NRCAM: variants seen among roughly 807,000 people sequenced by gnomAD.
NRCAM encodes the protein NgCAM-related cell adhesion molecule.
A neutral mutation model predicts 156.5 loss-of-function variants in NRCAM; 83 were observed. The observed-to-expected ratio is 0.53, with a 90% CI of 0.44 to 0.64. The LOEUF (loss-of-function observed/expected upper bound fraction) is 0.64, where lower values mean the gene tolerates loss of function less well. Among genes scored for constraint, NRCAM ranks in the 30% least tolerant of loss-of-function variants. The pLI is 0.00. For synonymous variants in NRCAM, 538 were observed against 563.9 expected (o/e 0.95, Z 0.65); for missense variants, 1,417 against 1,597.3 (o/e 0.89, Z 1.92).
At chr7:108,370,117 TA>T (rs2099619004) in intron 2 of NRCAM, among the ~76,000 whole-genome samples, 1 of 152,174 alleles carries the variant, frequency 6.6e-6, no homozygotes, top group Non-Finnish European at 1.5e-5. Context: ...TCTCTATACT[TA>T]TCATTATTTT....
chr7:108,280,643 A>G (rs2097820425), intron 3 of NRCAM, among the ~76,000 whole-genome samples: 1 of 152,238 alleles, frequency 6.6e-6, no homozygotes, highest in Non-Finnish European at 1.5e-5. Flanking sequence ...TGCTACTGAA[A>G]ATAGTTTGAC....
chr7:108,213,395 T>A (rs1588506338), intron 11 of NRCAM, among the ~76,000 whole-genome samples: 1 of 152,012 alleles, frequency 6.6e-6, no homozygotes, highest in East Asian at 1.9e-4. Flanking sequence ...AATAGCACAA[T>A]GAATGCAAGG....
intron 1 of NRCAM, among the ~76,000 whole-genome samples, chr7:108,421,136 G>C (rs925439468): frequency 6.6e-6 from 1 of 152,068 alleles, no homozygotes; most frequent in African/African-American, 2.4e-5. Flanking sequence ...ATTATGGTAG[G>C]TGCTTAGCGA....
chr7:108,150,027 G>A lies in NRCAM; in HGVS notation c.3798C>T (p.Phe1266=). Residue 1266 remains phenylalanine, a synonymous_variant, in exon 33 of 33, where the codon TTC becomes TTT. Transcript: ENST00000379028. ...GTCCAATAAAGGAGCCATCCTCATTGAACTGGCCATTAACCCCTTCTCCAT... is the reference window on the plus strand; with the variant it reads ...GTCCAATAAAGGAGCCATCCTCATTAAACTGGCCATTAACCCCTTCTCCAT... ...VDYGEGVNGQ[F]NEDGSFIGQY... 6.2e-7 allele frequency: 1 copy of A among 1,614,012 alleles called. No homozygotes were observed. Among genetic ancestry groups the A allele is most frequent in the African/African-American group, 1.3e-5 (1 of 75,034 alleles).
At chr7:108,378,945 A>G (rs115360052) in intron 2 of NRCAM, among the ~76,000 whole-genome samples, 3,825 of 152,238 alleles carry the variant, frequency 0.025, 177 homozygotes, top group African/African-American at 0.086. Context: ...CAACCTGAGG[A>G]TGCTTTTGAG....
chr7:108,384,226 T>A (rs1404209137), intron 2 of NRCAM, among the ~76,000 whole-genome samples: 1 of 151,990 alleles, frequency 6.6e-6, no homozygotes, highest in Non-Finnish European at 1.5e-5. Context: ...AACCTTCACA[T>A]GTGCCCCCAA....
chr7:108,341,031 A>T (rs2099270403), intron 2 of NRCAM, among the ~76,000 whole-genome samples: 1 of 152,220 alleles, frequency 6.6e-6, no homozygotes, highest in Admixed American at 6.5e-5. Flanking sequence ...GAACACGGAA[A>T]GGCTGGGCAA....
Position 108,194,031 on chromosome 7 carries a change from C to T in NRCAM, c.1771G>A (p.Asp591Asn), listed in dbSNP as rs1461538426. ...WLKDNRELPS[D>N]ERFTVDKDHL... ...GAAATCGTCTTCAAATACCTTTCAT[C>T]ACTGGGCAGTTCCCTGTTGTCCTTC... is the stretch of plus-strand genomic sequence containing the variant. Residue 591 changes from aspartate (D) to asparagine (N), a missense_variant, in exon 17 of 33, where the codon GAT (aspartate) becomes AAT (asparagine). Asp to Asn is a conservative substitution (Grantham distance 23, BLOSUM62 1). Around this residue, in one of 2 missense-constraint regions of NRCAM, gnomAD observed 1,238 missense variants for 1,336.4 expected, o/e 0.93. Transcript: ENST00000379028. The T allele has an allele frequency of 1.9e-6, 3 of 1,613,446 alleles. No individual in the cohort carries two copies. The highest frequency in any genetic ancestry group is 3.3e-5 in the Admixed American group (2 of 59,896).
chr7:108,159,483 A>C lies in NRCAM; in HGVS notation c.3657T>G (p.Asp1219Glu). The change falls in exon 32 of 33, where the codon GAT (aspartate) becomes GAG (glutamate). Residue 1219 changes from aspartate (D) to glutamate (E), a missense_variant. By Grantham distance (45) the Asp-to-Glu change is conservative. Transcript: ENST00000379028. ...DPEIQPMKEDDGTFGEYSDAE... is the reference protein window; with the variant it reads ...DPEIQPMKEDEGTFGEYSDAE... ...CTCACCTGTATTCTCCAAATGTCCCATCATCTTCCTTCATAGGCTGGATTT... is the reference window on the plus strand; with the variant it reads ...CTCACCTGTATTCTCCAAATGTCCCCTCATCTTCCTTCATAGGCTGGATTT... The C allele has an allele frequency of 6.2e-7, 1 of 1,613,452 alleles. No individual in the cohort carries two copies. The highest frequency in any genetic ancestry group is 8.5e-7 in the Non-Finnish European group (1 of 1,179,486).
At chr7:108,238,336 A>T (rs550203753) in intron 4 of NRCAM, among the ~76,000 whole-genome samples, 1 of 152,316 alleles carries the variant, frequency 6.6e-6, no homozygotes, top group South Asian at 2.1e-4. Context: ...TTTCTGCTTC[A>T]TAATTTCTCA....
At chr7:108,150,641 C>A in intron 32 of NRCAM, 1 of 507,092 alleles carries the variant, frequency 2.0e-6, no homozygotes, top group Non-Finnish European at 3.9e-6. Context: ...CAAAATCCTG[C>A]ATTTCAAATA....
At chr7:108,279,240 A>T (rs577427246) in intron 3 of NRCAM, among the ~76,000 whole-genome samples, 7 of 152,304 alleles carry the variant, frequency 4.6e-5, no homozygotes, top group African/African-American at 1.7e-4. Flanking sequence ...TTTCCTTGAG[A>T]TTAATAATAG....
At chr7:108,209,065 C>G (rs986584325) in intron 12 of NRCAM, among the ~76,000 whole-genome samples, 3 of 152,200 alleles carry the variant, frequency 2.0e-5, no homozygotes, top group African/African-American at 7.2e-5. Flanking sequence ...GATAGAAACA[C>G]TTTGAAGCTA....
chr7:108,319,536 G>A (rs1455474833), intron 2 of NRCAM, among the ~76,000 whole-genome samples: 4 of 152,118 alleles, frequency 2.6e-5, no homozygotes, highest in African/African-American at 7.2e-5. Flanking sequence ...TCTCTTCTTG[G>A]CCTCATGAAG....
chr7:108,450,640 T>A (rs1714379215), intron 1 of NRCAM, among the ~76,000 whole-genome samples: 1 of 152,232 alleles, frequency 6.6e-6, no homozygotes, highest in Non-Finnish European at 1.5e-5. Context: ...ATTTAACTTA[T>A]CCTCATAGCA....
At chr7:108,256,314 A>G (rs1215271350) in intron 3 of NRCAM, among the ~76,000 whole-genome samples, 2 of 150,050 alleles carry the variant, frequency 1.3e-5, no homozygotes, top group Non-Finnish European at 3.0e-5. Context: ...CTGTTAATCT[A>G]TAACCTTACC....
At chr7:108,383,138 T>TCA (rs1554584665) in intron 2 of NRCAM, among the ~76,000 whole-genome samples, 49,822 of 113,624 alleles carry the variant, frequency 0.44, 8,702 homozygotes, top group Middle Eastern at 0.58. Context: ...ACACACGCTC[T>TCA]CACACACACA....
At chr7:108,344,878 T>C (rs2099336177) in intron 2 of NRCAM, among the ~76,000 whole-genome samples, 1 of 152,122 alleles carries the variant, frequency 6.6e-6, no homozygotes, top group Admixed American at 6.5e-5. Context: ...CAAACAAAAA[T>C]ACATTTTAGA....
intron 2 of NRCAM, among the ~76,000 whole-genome samples, chr7:108,320,379 G>C (rs1163767789): frequency 2.6e-5 from 4 of 152,114 alleles, no homozygotes; most frequent in Non-Finnish European, 2.9e-5. Context: ...GATTGCTTGA[G>C]TCTGGCAGGT....
Sources: allele counts gnomAD v4.1 joint callset (sites outside exome capture counted in the v4.1 genomes callset), GRCh38; gene constraint gnomAD v4.1.1; regional missense constraint gnomAD v4.1.1; transcripts MANE v1.5; gene names NCBI Gene and HGNC (gene_info 2026-07-23, HGNC 2026-07-21).